The following DPP10 variants were observed in gnomAD, a reference collection of about 807,000 sequenced individuals.
DPP10 encodes dipeptidyl peptidase like 10, also known as inactive dipeptidyl peptidase 10.
DPP10 carries 33 observed loss-of-function variants against 120.9 expected under a neutral mutation model. The observed-to-expected ratio is 0.27, with a 90% CI of 0.21 to 0.37. DPP10 has a LOEUF of 0.37. Ranked by LOEUF, DPP10 falls within the 10% of genes least tolerant of loss-of-function variation. The pLI, the probability that DPP10 is intolerant of heterozygous loss-of-function variation, is 1.00. For missense variants in DPP10, 816 were observed against 942.8 expected (o/e 0.87, Z 1.76); for synonymous variants, 337 against 326.1 (o/e 1.03, Z -0.36).
chr2:115,114,983 G>T (rs2049421688), intron 1 of DPP10, among the ~76,000 whole-genome samples: 2 of 151,868 alleles, frequency 1.3e-5, no homozygotes, highest in African/African-American at 4.8e-5. Context: ...ACAGGTACCT[G>T]TACCTGTTCA....
At chr2:114,561,085 C>T (rs1688725769) in intron 1 of DPP10, among the ~76,000 whole-genome samples, 1 of 152,170 alleles carries the variant, frequency 6.6e-6, no homozygotes, top group African/African-American at 2.4e-5. Flanking sequence ...CCTGTCCCTC[C>T]ACACCAGCTC....
chr2:114,518,825 A>G (rs1295916224), intron 1 of DPP10, among the ~76,000 whole-genome samples: 1 of 152,154 alleles, frequency 6.6e-6, no homozygotes, highest in East Asian at 1.9e-4. Context: ...CTCTGCCACT[A>G]TCTAATTGTG....
At chr2:115,580,948 C>A (rs2081970368) in intron 5 of DPP10, among the ~76,000 whole-genome samples, 6 of 152,078 alleles carry the variant, frequency 3.9e-5, no homozygotes, top group Admixed American at 3.9e-4. Context: ...GAATAAACAC[C>A]CATTGTTAAG....
At chr2:115,531,461 A>AC in intron 5 of DPP10, among the ~76,000 whole-genome samples, 1 of 152,134 alleles carries the variant, frequency 6.6e-6, no homozygotes, top group East Asian at 1.9e-4. Flanking sequence ...GCAATGATCT[A>AC]CCCTGTTTTT....
chr2:115,547,954 T>C (rs2148991746), intron 5 of DPP10, among the ~76,000 whole-genome samples: 1 of 152,242 alleles, frequency 6.6e-6, no homozygotes, highest in Middle Eastern at 3.4e-3. Flanking sequence ...TTTTGCTTAA[T>C]AACCCAATTA....
At chr2:115,391,649 G>A (rs528141276) in intron 3 of DPP10, among the ~76,000 whole-genome samples, 141 of 151,844 alleles carry the variant, frequency 9.3e-4, no homozygotes, top group African/African-American at 3.3e-3. Flanking sequence ...GTTTATAATA[G>A]TGTTATTTTA....
At chr2:114,897,979 C>G (rs1693182940) in intron 1 of DPP10, among the ~76,000 whole-genome samples, 1 of 152,070 alleles carries the variant, frequency 6.6e-6, no homozygotes, top group Non-Finnish European at 1.5e-5. Flanking sequence ...ACCATTTGAC[C>G]CAGCCATTCC....
intron 1 of DPP10, among the ~76,000 whole-genome samples, chr2:114,633,392 T>G (rs947539837): frequency 2.0e-5 from 3 of 149,956 alleles, no homozygotes; most frequent in African/African-American, 7.5e-5. Context: ...GCTGGGATTA[T>G]AGGCATGCAC....
At chr2:115,715,438 T>C (rs866914700) in intron 7 of DPP10, among the ~76,000 whole-genome samples, 14 of 152,116 alleles carry the variant, frequency 9.2e-5, no homozygotes, top group Non-Finnish European at 1.6e-4. Flanking sequence ...TGAAGCCTTT[T>C]TTTGACCCTC....
chr2:114,843,440 C>T (rs1688315235), intron 1 of DPP10, among the ~76,000 whole-genome samples: 1 of 152,022 alleles, frequency 6.6e-6, no homozygotes, highest in African/African-American at 2.4e-5. Flanking sequence ...TATGATTGCT[C>T]AACAAAATAA....
chr2:115,758,132 CA>C (rs780169561), intron 11 of DPP10, among the ~76,000 whole-genome samples: 1 of 151,982 alleles, frequency 6.6e-6, no homozygotes, highest in Non-Finnish European at 1.5e-5. Flanking sequence ...AAAAAGCCTA[CA>C]AAAAACCCTA....
rs1244009146 is a variant in DPP10 at position 114,606,754 on chromosome 2, T to G, written c.60+163916T>G. On this transcript the variant is annotated intron_variant, in intron 1 of 25. Coordinates refer to ENST00000410059, the MANE Select transcript of DPP10 (RefSeq NM_020868.6). ...AGAAGCCATTTCATACCTTATAAAT[T>G]TTGTCGCATTTCAGCAAGAGTTCTT... Among the ~76,000 whole-genome samples, 4 of 152,168 alleles carry G rather than the reference T, an allele frequency of 2.6e-5. No homozygotes were observed. In the East Asian group the frequency reaches 7.7e-4, roughly 29 times the overall value.
chr2:115,581,336 C>A (rs1273784216), intron 5 of DPP10, among the ~76,000 whole-genome samples: 6 of 152,132 alleles, frequency 3.9e-5, no homozygotes, highest in Non-Finnish European at 8.8e-5. Context: ...TACATTGTTT[C>A]ATTTTACTTC....
chr2:115,442,959 G>A (rs1479001842), intron 3 of DPP10, among the ~76,000 whole-genome samples: 2 of 152,118 alleles, frequency 1.3e-5, no homozygotes, highest in African/African-American at 2.4e-5. Flanking sequence ...TGGATAAAAA[G>A]GAAGGTCTGT....
chr2:114,867,447 T>C (rs1338769310), intron 1 of DPP10, among the ~76,000 whole-genome samples: 1 of 152,206 alleles, frequency 6.6e-6, no homozygotes, highest in African/African-American at 2.4e-5. Context: ...CTAGTTATGC[T>C]TTTTAGCTTC....
chr2:115,417,647 A>G (rs1466162032), intron 3 of DPP10, among the ~76,000 whole-genome samples: 1 of 152,186 alleles, frequency 6.6e-6, no homozygotes, highest in Non-Finnish European at 1.5e-5. Context: ...CCAAAATCAC[A>G]GCTGGTAAGT....
chr2:115,768,479 T>G, intron 13 of DPP10, 75 bp downstream of exon 13: 1 of 1,334,010 alleles, frequency 7.5e-7, no homozygotes, highest in Non-Finnish European at 1.1e-6. Flanking sequence ...TGTGGCATTC[T>G]AAACCTCTAG....
intron 1 of DPP10, among the ~76,000 whole-genome samples, chr2:114,703,144 A>T (rs1193028629): frequency 1.3e-5 from 2 of 152,164 alleles, no homozygotes; most frequent in African/African-American, 4.8e-5. Flanking sequence ...AAAAAATTCT[A>T]TATGGAAAGT....
At chr2:115,103,292 ATTCTCCTGCCT>A (rs1233824965) in intron 1 of DPP10, among the ~76,000 whole-genome samples, 6 of 145,080 alleles carry the variant, frequency 4.1e-5, no homozygotes, top group African/African-American at 1.5e-4. Flanking sequence ...GGTTCATGCC[ATTCTCCTGCCT>A]CAGCCTCCAA....
Sources: allele counts gnomAD v4.1 joint callset (sites outside exome capture counted in the v4.1 genomes callset), GRCh38; gene constraint gnomAD v4.1.1; transcripts MANE v1.5; gene names NCBI Gene and HGNC (gene_info 2026-07-23, HGNC 2026-07-21).